Variants in PCDHA9 observed in about 807,000 individuals in gnomAD.
PCDHA9 encodes the protein protocadherin alpha 9.
Under a neutral mutation model 62.0 loss-of-function variants are expected in PCDHA9, and 62 were observed. The observed-to-expected ratio is 1.00, with a 90% CI of 0.81 to 1.23. The LOEUF (loss-of-function observed/expected upper bound fraction) is 1.23, where lower values mean the gene tolerates loss of function less well. Among genes scored for constraint, PCDHA9 ranks in the 50% most tolerant of loss-of-function variants. The pLI is 0.00. For missense variants in PCDHA9, 1,205 were observed against 1,249.8 expected (o/e 0.96, Z 0.54); for synonymous variants, 557 against 567.6 (o/e 0.98, Z 0.27).
rs976643195 is a variant in PCDHA9 at position 141,010,391 on chromosome 5, C to A, written c.*454C>A. On this transcript the variant is annotated 3_prime_UTR_variant, in exon 4 of 4. Transcript: ENST00000532602. ...TGCGAGTGCCAGATATTGGCTGAGACGAGCCAGCTTAGACTAATTGGTACA... is the reference window on the plus strand; with the variant it reads ...TGCGAGTGCCAGATATTGGCTGAGAAGAGCCAGCTTAGACTAATTGGTACA... The A allele has an allele frequency of 2.2e-6, 3 of 1,386,760 alleles. No homozygotes were observed. Among genetic ancestry groups the A allele is most frequent in the Non-Finnish European group, 2.9e-6 (3 of 1,041,298 alleles). The allele number at this position is 1,386,760 out of a possible 1,614,324, so 85.9% of individuals were successfully genotyped here.
At chr5:140,913,440 T>A (rs2076337142) in intron 1 of PCDHA9, among the ~76,000 whole-genome samples, 1 of 152,224 alleles carries the variant, frequency 6.6e-6, no homozygotes, top group Non-Finnish European at 1.5e-5. Context: ...GCCTCCTTTT[T>A]CAGCTCCGAT....
chr5:140,872,816 T>C (rs1204141018), intron 1 of PCDHA9, among the ~76,000 whole-genome samples: 2 of 152,190 alleles, frequency 1.3e-5, no homozygotes, highest in African/African-American at 4.8e-5. Context: ...GTTTTTCAGA[T>C]TCATCTAGCA....
intron 1 of PCDHA9, chr5:140,882,291 G>A: frequency 6.2e-7 from 1 of 1,613,650 alleles, no homozygotes; most frequent in Non-Finnish European, 8.5e-7. Flanking sequence ...TGGCAAGGAG[G>A]CCCAAGACCG....
chr5:140,852,974 G>T (rs1554146261), intron 1 of PCDHA9: 2 of 368,228 alleles, frequency 5.4e-6, no homozygotes, highest in East Asian at 1.6e-4. Context: ...CCCCTCCCGT[G>T]TTCACGCCAT....
intron 1 of PCDHA9, chr5:140,884,803 C>A: frequency 1.6e-6 from 2 of 1,225,132 alleles, no homozygotes; most frequent in Non-Finnish European, 2.2e-6. Context: ...AATTTAACAA[C>A]TCTGCTGTGG....
chr5:140,983,523 T>G (rs1186391173), intron 3 of PCDHA9, among the ~76,000 whole-genome samples: 1 of 152,224 alleles, frequency 6.6e-6, no homozygotes, highest in East Asian at 1.9e-4. Flanking sequence ...CTGTGCCAAG[T>G]ACATTGTATG....
chr5:140,888,819 G>A (rs2061994549), intron 1 of PCDHA9, among the ~76,000 whole-genome samples: 1 of 151,908 alleles, frequency 6.6e-6, no homozygotes, highest in African/African-American at 2.4e-5. Context: ...TGTGATCTGT[G>A]ATCACATCAC....
At chr5:140,870,771 C>G (rs370490786) in intron 1 of PCDHA9, 13 of 1,613,466 alleles carry the variant, frequency 8.1e-6, no homozygotes, top group Non-Finnish European at 1.1e-5. Context: ...TCGTGCTGGA[C>G]GAGAACGACA....
At chr5:140,958,278 T>A (rs1445019557) in intron 1 of PCDHA9, among the ~76,000 whole-genome samples, 1 of 152,090 alleles carries the variant, frequency 6.6e-6, no homozygotes, top group Non-Finnish European at 1.5e-5. Flanking sequence ...GAAGTATATA[T>A]TTTAAATATT....
At position 141,004,143 on chromosome 5, in the gene PCDHA9, C is replaced by T. The variant is rs1023273119; in HGVS notation, c.2543-5484C>T. 2.6e-5 allele frequency among the ~76,000 whole-genome samples: 4 copies of T among 152,252 alleles called. No homozygotes were observed. In the East Asian group the frequency reaches 7.7e-4, roughly 29 times the overall value. ...TATCTCCATGATTCTGCCCCAAAGG[C>T]ATGACATTTTATAGGCAAAGCCAGC... On this transcript the variant is annotated intron_variant, in intron 3 of 3. Transcript: ENST00000532602.
chr5:140,883,905 G>A (rs781818160), intron 1 of PCDHA9: 2 of 1,613,458 alleles, frequency 1.2e-6, no homozygotes, highest in Non-Finnish European at 1.7e-6. Flanking sequence ...CCGCCTCTGG[G>A]CAGCAACGTG....
chr5:140,854,302 G>A, intron 1 of PCDHA9: 2 of 384,722 alleles, frequency 5.2e-6, no homozygotes, highest in Non-Finnish European at 7.1e-6. Context: ...TTTTGTGCGT[G>A]GAGATGATTG....
At chr5:140,884,022 T>G (rs2059946002) in intron 1 of PCDHA9, 1 of 1,613,028 alleles carries the variant, frequency 6.2e-7, no homozygotes, top group Non-Finnish European at 8.5e-7. Context: ...CCGCGGTCGG[T>G]GGGTGCAGGC....
intron 1 of PCDHA9, among the ~76,000 whole-genome samples, chr5:140,953,945 C>T (rs189219030): frequency 8.5e-5 from 13 of 152,154 alleles, no homozygotes; most frequent in African/African-American, 3.1e-4. Flanking sequence ...TCCCATTGCT[C>T]CCCCAACAGG....
At chr5:140,937,748 T>C (rs192465220) in intron 1 of PCDHA9, among the ~76,000 whole-genome samples, 1 of 151,812 alleles carries the variant, frequency 6.6e-6, no homozygotes, top group Admixed American at 6.6e-5. Context: ...CCGTCTCTAC[T>C]AAAAATACAA....
chr5:141,005,701 C>CAAAA (rs59860837), intron 3 of PCDHA9, among the ~76,000 whole-genome samples: 118 of 7,756 alleles, frequency 0.015, 2 homozygotes, highest in East Asian at 0.044. Flanking sequence ...AACTCCGTCT[C>CAAAA]AAAAAAAAAA....
At chr5:140,895,103 T>C (rs1459301220) in intron 1 of PCDHA9, among the ~76,000 whole-genome samples, 3 of 152,204 alleles carry the variant, frequency 2.0e-5, no homozygotes, top group Non-Finnish European at 4.4e-5. Flanking sequence ...GGGTTTTTGC[T>C]ACAAGAAGAC....
At chr5:140,876,238 CA>C in intron 1 of PCDHA9, 4 of 1,613,896 alleles carry the variant, frequency 2.5e-6, no homozygotes, top group Non-Finnish European at 3.4e-6. Context: ...TGAAAATGTC[CA>C]AAACGACACA....
At chr5:140,965,371 T>C (rs1195667342) in intron 1 of PCDHA9, among the ~76,000 whole-genome samples, 9 of 152,124 alleles carry the variant, frequency 5.9e-5, no homozygotes, top group African/African-American at 1.2e-4. Flanking sequence ...AAGAGGAAAC[T>C]TGGGGACACA....
Sources: allele counts gnomAD v4.1 joint callset (sites outside exome capture counted in the v4.1 genomes callset), GRCh38; gene constraint gnomAD v4.1.1; transcripts MANE v1.5; gene names NCBI Gene and HGNC (gene_info 2026-07-23, HGNC 2026-07-21).